The following CADM2 variants were observed in gnomAD, a reference collection of about 807,000 sequenced individuals.
CADM2 encodes the protein immunoglobulin superfamily member 4D.
CADM2 carries 12 observed loss-of-function variants against 49.8 expected under a neutral mutation model. The ratio of observed to expected loss-of-function variants is 0.24; its 90% CI spans 0.15 to 0.39. CADM2 has a LOEUF of 0.39. Among genes scored for constraint, CADM2 ranks in the 10% least tolerant of loss-of-function variants. CADM2 has a pLI of 1.00. For synonymous variants in CADM2, 214 were observed against 175.4 expected, an observed-to-expected ratio of 1.22 and a Z score of -1.74; for missense variants, 378 against 492.3, an observed-to-expected ratio of 0.77 and a Z score of 2.20.
intron 8 of CADM2, among the ~76,000 whole-genome samples, chr3:86,047,808 T>G (rs1189560035): frequency 6.6e-6 from 1 of 152,192 alleles, no homozygotes; most frequent in African/African-American, 2.4e-5. Flanking sequence ...CTCTCACATT[T>G]CGAGTCCCAA....
intron 1 of CADM2, among the ~76,000 whole-genome samples, chr3:84,975,362 G>C (rs1559598038): frequency 2.0e-5 from 3 of 151,582 alleles, no homozygotes; most frequent in African/African-American, 7.3e-5. Flanking sequence ...AGGCAAATAA[G>C]AGAAAACTTA....
intron 1 of CADM2, among the ~76,000 whole-genome samples, chr3:85,007,580 G>C (rs1368644956): frequency 6.6e-6 from 1 of 152,152 alleles, no homozygotes; most frequent in Non-Finnish European, 1.5e-5. Flanking sequence ...AACTCCGAGA[G>C]AATGCTTTAA....
At chr3:85,379,984 T>C (rs1400762223) in intron 1 of CADM2, among the ~76,000 whole-genome samples, 1 of 152,002 alleles carries the variant, frequency 6.6e-6, no homozygotes, top group Non-Finnish European at 1.5e-5. Context: ...TTTCAATGAC[T>C]TTGACAAAGT....
chr3:86,064,505 G>A (rs1050461505), intron 8 of CADM2, among the ~76,000 whole-genome samples: 6 of 152,030 alleles, frequency 3.9e-5, no homozygotes, highest in East Asian at 3.9e-4. Flanking sequence ...GAGTAGTGCC[G>A]CAATAAACAT....
intron 1 of CADM2, among the ~76,000 whole-genome samples, chr3:85,275,201 A>G (rs1346655763): frequency 6.6e-6 from 1 of 151,604 alleles, no homozygotes; most frequent in African/African-American, 2.4e-5. Flanking sequence ...TAACAATGGC[A>G]ATATTATTGA....
At chr3:85,661,494 C>T (rs2065401963) in intron 1 of CADM2, among the ~76,000 whole-genome samples, 1 of 152,062 alleles carries the variant, frequency 6.6e-6, no homozygotes, top group Non-Finnish European at 1.5e-5. Context: ...CACCTCCTTG[C>T]TTCCTGATGT....
At chr3:85,876,502 C>G (rs1021981893) in intron 3 of CADM2, among the ~76,000 whole-genome samples, 1 of 152,044 alleles carries the variant, frequency 6.6e-6, no homozygotes, top group Non-Finnish European at 1.5e-5. Context: ...GGGAAAGTTT[C>G]ATGTCCAATG....
intron 1 of CADM2, among the ~76,000 whole-genome samples, chr3:85,088,973 C>A (rs1369025014): frequency 6.6e-6 from 1 of 151,978 alleles, no homozygotes; most frequent in Non-Finnish European, 1.5e-5. Context: ...ATATAAGACA[C>A]CTAGGGGAAT....
At chr3:85,137,052 A>G (rs78267490) in intron 1 of CADM2, among the ~76,000 whole-genome samples, 7,175 of 152,032 alleles carry the variant, frequency 0.047, 248 homozygotes, top group East Asian at 0.14. Context: ...ATATTGGGGT[A>G]TCATAATACA....
intron 1 of CADM2, among the ~76,000 whole-genome samples, chr3:85,483,141 A>C (rs2039280019): frequency 1.3e-5 from 2 of 151,552 alleles, no homozygotes; most frequent in Non-Finnish European, 1.5e-5. Context: ...TTGGTAAAAT[A>C]CACATATTAT....
chr3:85,966,591 T>C (rs879895083), intron 8 of CADM2, among the ~76,000 whole-genome samples: 14 of 151,618 alleles, frequency 9.2e-5, no homozygotes, highest in Non-Finnish European at 1.8e-4. Flanking sequence ...TGTATGTATT[T>C]TGCTTTTCTA....
chr3:85,403,659 A>G (rs2035230967), intron 1 of CADM2, among the ~76,000 whole-genome samples: 1 of 152,168 alleles, frequency 6.6e-6, no homozygotes, highest in South Asian at 2.1e-4. Flanking sequence ...TTCAGGTATT[A>G]TTAGAGCATT....
At chr3:85,556,420 C>G (rs1385265784) in intron 1 of CADM2, among the ~76,000 whole-genome samples, 1 of 151,944 alleles carries the variant, frequency 6.6e-6, no homozygotes, top group African/African-American at 2.4e-5. Flanking sequence ...CTGTTTTGCT[C>G]AATAGTCAAC....
intron 3 of CADM2, among the ~76,000 whole-genome samples, chr3:85,803,176 A>C (rs1171110530): frequency 6.6e-6 from 1 of 152,120 alleles, no homozygotes; most frequent in Non-Finnish European, 1.5e-5. Context: ...TAGATTTAAA[A>C]TGAAATCTTT....
At chr3:85,931,640 C>A (rs925536576) in intron 6 of CADM2, among the ~76,000 whole-genome samples, 1 of 151,936 alleles carries the variant, frequency 6.6e-6, no homozygotes, top group Non-Finnish European at 1.5e-5. Flanking sequence ...TTGCCCTTAG[C>A]AAAAGCATTT....
intron 4 of CADM2, among the ~76,000 whole-genome samples, chr3:85,885,134 GTTTT>G (rs562828456): frequency 2.0e-5 from 3 of 151,732 alleles, no homozygotes; most frequent in African/African-American, 7.3e-5. Flanking sequence ...TGTTTTGTGA[GTTTT>G]TTTTCTTTAA....
chr3:85,063,310 T>C (rs977080033), intron 1 of CADM2, among the ~76,000 whole-genome samples: 6 of 152,004 alleles, frequency 3.9e-5, no homozygotes, highest in African/African-American at 1.2e-4. Context: ...GATGCCTTGA[T>C]TTAAATCAAT....
At chr3:85,136,933 AT>A (rs2039429723) in intron 1 of CADM2, among the ~76,000 whole-genome samples, 2 of 152,004 alleles carry the variant, frequency 1.3e-5, no homozygotes, top group African/African-American at 4.8e-5. Flanking sequence ...CATAGGCTGC[AT>A]TTTTATATTT....
intron 8 of CADM2, among the ~76,000 whole-genome samples, chr3:86,061,991 G>GA (rs71128114): frequency 1.3e-5 from 2 of 149,776 alleles, no homozygotes; most frequent in East Asian, 2.0e-4. Flanking sequence ...GATGGTGGGG[G>GA]GGGGGTTGAA....
Sources: allele counts gnomAD v4.1 joint callset (sites outside exome capture counted in the v4.1 genomes callset), GRCh38; gene constraint gnomAD v4.1.1; transcripts MANE v1.5; gene names NCBI Gene and HGNC (gene_info 2026-07-23, HGNC 2026-07-21).